ALK: variants seen among roughly 807,000 people sequenced by gnomAD.
ALK encodes the protein ALK tyrosine kinase receptor.
Under a neutral mutation model 163.1 loss-of-function variants are expected in ALK, and 74 were observed. The observed-to-expected ratio is 0.45, with a 90% CI of 0.38 to 0.55. The LOEUF is 0.55. ALK is among the 20% of genes least tolerant of loss of function. The pLI is 0.00. For missense variants in ALK, 2,063 were observed against 2,105.3 expected, an observed-to-expected ratio of 0.98 and a Z score of 0.39; for synonymous variants, 960 against 843.2, an observed-to-expected ratio of 1.14 and a Z score of -2.40.
At chr2:29,250,857 T>G (rs1440073845) in intron 12 of ALK, among the ~76,000 whole-genome samples, 1 of 152,254 alleles carries the variant, frequency 6.6e-6, no homozygotes, top group African/African-American at 2.4e-5. Context: ...AGCTAGCTCA[T>G]GCATGCATAT....
intron 1 of ALK, among the ~76,000 whole-genome samples, chr2:29,901,085 G>A (rs1667405825): frequency 6.6e-6 from 1 of 152,098 alleles, no homozygotes; most frequent in East Asian, 1.9e-4. Context: ...AACGAGGAGG[G>A]GATCCTCAGG....
At chr2:29,778,936 ACGAGGTCAGGAGAT>A (rs1681256173) in intron 1 of ALK, among the ~76,000 whole-genome samples, 1 of 151,870 alleles carries the variant, frequency 6.6e-6, no homozygotes, top group African/African-American at 2.4e-5. Flanking sequence ...CAAGCAGATC[ACGAGGTCAGGAGAT>A]CGAGACCATC....
intron 5 of ALK, among the ~76,000 whole-genome samples, chr2:29,374,634 G>A (rs1668711884): frequency 6.6e-6 from 1 of 152,202 alleles, no homozygotes. Context: ...TTTGAAAGAT[G>A]TGCAGGTCTT....
chr2:29,361,720 A>G (rs1668392634), intron 5 of ALK, among the ~76,000 whole-genome samples: 1 of 152,146 alleles, frequency 6.6e-6, no homozygotes. Flanking sequence ...AGGCTCTCCC[A>G]GGACTTCTGC....
At chr2:29,426,865 CTA>C (rs1247923741) in intron 4 of ALK, among the ~76,000 whole-genome samples, 1 of 151,502 alleles carries the variant, frequency 6.6e-6, no homozygotes, top group Non-Finnish European at 1.5e-5. Context: ...TGGTAAAACC[CTA>C]TCTCTACTAA....
intron 1 of ALK, among the ~76,000 whole-genome samples, chr2:29,916,213 T>C (rs968452843): frequency 4.6e-5 from 7 of 152,224 alleles, no homozygotes; most frequent in African/African-American, 1.7e-4. Flanking sequence ...AATATCAATG[T>C]CAGAAAACAA....
chr2:29,768,838 T>G (rs1011624546), intron 1 of ALK, among the ~76,000 whole-genome samples: 6 of 151,804 alleles, frequency 4.0e-5, no homozygotes, highest in African/African-American at 1.5e-4. Flanking sequence ...TTATCCTTTT[T>G]ATCTTTTTTT....
chr2:29,318,374 A>T lies in ALK; in HGVS notation c.1577T>A (p.Val526Asp), dbSNP rs202106175. 5 of 1,613,930 alleles carry T rather than the reference A, an allele frequency of 3.1e-6. No individual in the cohort carries two copies. In the East Asian group the frequency reaches 6.7e-5, roughly 22 times the overall value. ...CACTGTAGCACTTTCAGAAGCGGGG[A>T]CATCAGTGGTACTGAGCAATAGAGC... ...DHALLLSTTD[V>D]PASESATVTS... The change falls in exon 8 of 29, where the codon GTC becomes GAC. Residue 526 changes from valine to aspartate, a missense_variant. By Grantham distance (152) the Val-to-Asp change is radical (BLOSUM62 -3). Coordinates refer to ENST00000389048, the MANE Select transcript of ALK (RefSeq NM_004304.5).
chr2:29,511,533 T>A (rs1340811141), intron 4 of ALK, among the ~76,000 whole-genome samples: 2 of 152,198 alleles, frequency 1.3e-5, no homozygotes, highest in African/African-American at 4.8e-5. Flanking sequence ...TTTCTTTATC[T>A]ATTCACCTGT....
At chr2:29,834,629 T>C (rs1309876243) in intron 1 of ALK, among the ~76,000 whole-genome samples, 1 of 152,114 alleles carries the variant, frequency 6.6e-6, no homozygotes, top group East Asian at 1.9e-4. Flanking sequence ...CAATAGGAAA[T>C]ACTTTGTCTA....
intron 1 of ALK, among the ~76,000 whole-genome samples, chr2:29,776,972 G>C (rs2148348028): frequency 6.6e-6 from 1 of 152,190 alleles, no homozygotes; most frequent in South Asian, 2.1e-4. Flanking sequence ...CAGAAACAAG[G>C]GTTCTGACCC....
intron 11 of ALK, among the ~76,000 whole-genome samples, chr2:29,263,685 T>C (rs1201861249): frequency 6.6e-6 from 1 of 152,116 alleles, no homozygotes; most frequent in African/African-American, 2.4e-5. Flanking sequence ...TCCCCTCCTA[T>C]TTTTGTCTGC....
chr2:29,225,276 C>G (rs2148175811), intron 19 of ALK, among the ~76,000 whole-genome samples, 185 bp downstream of exon 19: 1 of 152,250 alleles, frequency 6.6e-6, no homozygotes, highest in Non-Finnish European at 1.5e-5. Context: ...ACTGCAGCTG[C>G]TCTGGTGGGG....
Position 29,232,352 on chromosome 2 carries a change from C to T in ALK, c.2584G>A (p.Glu862Lys), listed in dbSNP as rs1461504517. 2 of 1,614,132 alleles carry T rather than the reference C, an allele frequency of 1.2e-6. No homozygotes were observed. Among genetic ancestry groups the T allele is most frequent in the African/African-American group, 2.7e-5 (2 of 74,946 alleles). The change falls in exon 15 of 29, where the codon GAG becomes AAG. Residue 862 changes from glutamate to lysine, a missense_variant. Physicochemically the swap from Glu to Lys is moderately conservative, Grantham distance 56. Transcript: ENST00000389048. ...KTDTFHPERL[E>K]NNSSVLGLNG... Reference sequence around the variant, plus strand: ...AGCCCTAGAACCGAGGAGTTATTCTCCAGTCTCTCTGGGTGGAACGTGTCT... The same window carrying T: ...AGCCCTAGAACCGAGGAGTTATTCTTCAGTCTCTCTGGGTGGAACGTGTCT...
chr2:29,543,452 A>G (rs1417384925), intron 3 of ALK, among the ~76,000 whole-genome samples: 1 of 152,226 alleles, frequency 6.6e-6, no homozygotes, highest in African/African-American at 2.4e-5. Context: ...TCCCAGTGCC[A>G]GCCCAAAGGG....
chr2:29,674,234 G>A (rs1330452186), intron 3 of ALK, among the ~76,000 whole-genome samples: 1 of 151,576 alleles, frequency 6.6e-6, no homozygotes, highest in Non-Finnish European at 1.5e-5. Context: ...GGTGAGAGAG[G>A]GCATCCCTGT....
At chr2:29,466,077 TA>T (rs1671203260) in intron 4 of ALK, among the ~76,000 whole-genome samples, 1 of 152,100 alleles carries the variant, frequency 6.6e-6, no homozygotes, top group Non-Finnish European at 1.5e-5. Context: ...AAAATTATAT[TA>T]AAAAAGAAAG....
At chr2:29,714,171 T>C (rs1345921565) in intron 2 of ALK, among the ~76,000 whole-genome samples, 1 of 152,024 alleles carries the variant, frequency 6.6e-6, no homozygotes, top group Non-Finnish European at 1.5e-5. Flanking sequence ...AAAAGAAAAA[T>C]AAAGTCTTTC....
At chr2:29,914,505 A>G (rs1205035377) in intron 1 of ALK, among the ~76,000 whole-genome samples, 2 of 152,252 alleles carry the variant, frequency 1.3e-5, no homozygotes, top group Non-Finnish European at 2.9e-5. Flanking sequence ...TATTATATAA[A>G]AAAACAATAG....
Sources: gnomAD v4.1 joint callset for allele counts (sites outside exome capture counted in the v4.1 genomes callset) on GRCh38, gnomAD v4.1.1 for gene constraint, MANE v1.5 for transcripts, NCBI Gene and HGNC (gene_info 2026-07-23, HGNC 2026-07-21) for gene names.